The following DST variants were observed in gnomAD, a reference collection of about 807,000 sequenced individuals.
The protein encoded by DST is dystonin, also known as bullous pemphigoid antigen.
DST carries 253 observed loss-of-function variants against 875.2 expected under a neutral mutation model. The ratio of observed to expected loss-of-function variants is 0.29; its 90% confidence interval spans 0.26 to 0.32. The LOEUF (loss-of-function observed/expected upper bound fraction) is 0.32. Among genes scored for constraint, DST ranks in the 10% least tolerant of loss-of-function variants. The probability of loss-of-function intolerance (pLI) is 1.00; values close to 1 mark genes in which losing one functional copy is unlikely to be tolerated. For missense variants in DST, 8,287 were observed against 9,111.6 expected (o/e 0.91, Z 3.68); for synonymous variants, 3,124 against 3,197.1 (o/e 0.98, Z 0.77).
chr6:56,593,730 G>A lies in DST; in HGVS notation c.12659C>T (p.Ala4220Val). 1.2e-6 allele frequency: 2 copies of A among 1,613,734 alleles called. No individual in the cohort carries two copies. Among genetic ancestry groups the A allele is most frequent in the Non-Finnish European group, 1.7e-6 (2 of 1,179,728 alleles). Residue 4220 changes from alanine (A) to valine (V), a missense_variant, in exon 48 of 104, where the codon GCA becomes GTA. By Grantham distance (64) the Ala-to-Val change is moderately conservative (BLOSUM62 0). Around this residue, in one of 10 missense-constraint regions of DST, gnomAD observed 1,513 missense variants for 1,677.8 expected, o/e 0.90. Transcript: ENST00000680361. Reference sequence around the variant, plus strand: ...CTTGCGCTGCACTTCTCTGTGGGTTGCAGAAGTATCAACCTTGCCACCGTC... The same window carrying A: ...CTTGCGCTGCACTTCTCTGTGGGTTACAGAAGTATCAACCTTGCCACCGTC... ...KRDGGKVDTS[A>V]THREVQRKLD...
At position 56,692,612 on chromosome 6, in the gene DST, G is replaced by A. The variant is rs137899339; in HGVS notation, c.1047+7041C>T. ...ATAGAGCTTAAGCTGGCTGCCTTTCGGAAAGAAAAAACATCAGTTTTTTCC... is the reference window on the plus strand; with the variant it reads ...ATAGAGCTTAAGCTGGCTGCCTTTCAGAAAGAAAAAACATCAGTTTTTTCC... On this transcript the variant is annotated intron_variant, in intron 9 of 103. Coordinates refer to ENST00000680361, the MANE Select transcript of DST (RefSeq NM_001374736.1). 1.6e-4 allele frequency: 200 copies of A among 1,289,596 alleles called. 1 individual carries two copies. In the East Asian group the frequency reaches 8.0e-3, roughly 52 times the overall value. The allele number at this position is 1,289,596 out of a possible 1,614,324, so 79.9% of individuals were successfully genotyped here.
In DST at chr6:56,616,999, C is replaced by T. The variant is rs373811096; in HGVS notation, c.4930-2515G>A. On this transcript the variant is annotated intron_variant, in intron 36 of 103. Coordinates refer to ENST00000680361, the MANE Select transcript of DST (RefSeq NM_001374736.1). ...TTTTGTCTATTATGATTCTCTCGGC[C>T]GCTGAGGCAAATGAAATCTTTTCTT... 60 of 1,609,690 alleles carry T rather than the reference C, an allele frequency of 3.7e-5. No homozygotes were observed. The highest frequency in any genetic ancestry group is 4.7e-5 in the Non-Finnish European group (55 of 1,177,294).
intron 72 of DST, among the ~76,000 whole-genome samples, chr6:56,511,951 T>C (rs1381180363): frequency 6.6e-6 from 1 of 152,032 alleles, no homozygotes. Context: ...AGATAAGGAA[T>C]GTTAGGGTGA....
intron 55 of DST, among the ~76,000 whole-genome samples, chr6:56,566,349 T>G (rs1351958223): frequency 1.3e-5 from 2 of 152,226 alleles, no homozygotes; most frequent in Non-Finnish European, 2.9e-5. Flanking sequence ...GGGAATCTCC[T>G]GGTCTGTGAG....
chr6:56,742,572 T>C lies in DST; in HGVS notation c.626-7283A>G, dbSNP rs150316649. Among the ~76,000 whole-genome samples, 314 of 152,344 alleles carry C rather than the reference T, an allele frequency of 2.1e-3. 1 individual carries two copies. The highest frequency in any genetic ancestry group is 7.2e-3 in the African/African-American group (299 of 41,582). On this transcript the variant is annotated intron_variant, in intron 4 of 103. Transcript: ENST00000680361. ...TACTAAAAAGAAACCAAATTGTCTATTTCTTCTTTTCATTTTAAAGTTGTT... is the reference window on the plus strand; with the variant it reads ...TACTAAAAAGAAACCAAATTGTCTACTTCTTCTTTTCATTTTAAAGTTGTT...
intron 4 of DST, among the ~76,000 whole-genome samples, chr6:56,738,424 G>A (rs140262421): frequency 0.021 from 3,160 of 152,188 alleles, 38 homozygotes; most frequent in Middle Eastern, 0.078. Context: ...AGGTGCAAGC[G>A]ATTCTCCTGC....
Position 56,618,851 on chromosome 6 carries a change from A to G in DST, c.4930-4367T>C, listed in dbSNP as rs761583910. ...CTTTCTGTGGGTCATCTGCTCCTCT[A>G]TGGTCTTTAAGTGTAATTCGTCTTG... On this transcript the variant is annotated intron_variant, in intron 36 of 103. Coordinates refer to ENST00000680361, the MANE Select transcript of DST (RefSeq NM_001374736.1). The G allele has an allele frequency of 8.7e-6, 14 of 1,613,886 alleles. No homozygotes were observed. The highest frequency in any genetic ancestry group is 5.5e-5 in the South Asian group (5 of 91,068).
At chr6:56,660,149 G>A (rs752060843) in intron 10 of DST, among the ~76,000 whole-genome samples, 1 of 152,190 alleles carries the variant, frequency 6.6e-6, no homozygotes, top group Non-Finnish European at 1.5e-5. Context: ...ACCATTTGAG[G>A]CTGGTGATAA....
intron 24 of DST, 141 bp from the exon 25 acceptor site, chr6:56,635,094 C>A: frequency 2.9e-6 from 2 of 687,688 alleles, no homozygotes; most frequent in East Asian, 5.4e-5. Context: ...CCTCCTCCAC[C>A]CCATCTTGTA....
intron 2 of DST, among the ~76,000 whole-genome samples, chr6:56,911,191 G>C (rs915626106): frequency 6.6e-6 from 1 of 152,220 alleles, no homozygotes; most frequent in Non-Finnish European, 1.5e-5. Context: ...GGCTGCAAGG[G>C]AGGAAGGGAA....
intron 9 of DST, among the ~76,000 whole-genome samples, chr6:56,698,004 T>C (rs2099273264): frequency 6.6e-6 from 1 of 152,196 alleles, no homozygotes; most frequent in Admixed American, 6.5e-5. Context: ...AGTAATGCCC[T>C]CAGTCCTTTG....
chr6:56,799,405 GA>G (rs1438200535), intron 4 of DST, among the ~76,000 whole-genome samples: 1 of 150,228 alleles, frequency 6.7e-6, no homozygotes, highest in Non-Finnish European at 1.5e-5. Context: ...TTCAAGAAAA[GA>G]AATGAATTGA....
intron 98 of DST, chr6:56,466,870 G>C (rs1682852063): frequency 6.6e-6 from 1 of 152,136 alleles, no homozygotes; most frequent in African/African-American, 2.4e-5. Flanking sequence ...CATTATTAAT[G>C]ATACAGCTGC....
chr6:56,804,914 T>C (rs1238185504), intron 4 of DST, among the ~76,000 whole-genome samples: 2 of 152,132 alleles, frequency 1.3e-5, no homozygotes, highest in African/African-American at 4.8e-5. Flanking sequence ...TCCCTTTTAA[T>C]TCTAAATTTT....
At chr6:56,861,449 C>T (rs1162565141) in intron 3 of DST, among the ~76,000 whole-genome samples, 1 of 152,176 alleles carries the variant, frequency 6.6e-6, no homozygotes, top group Non-Finnish European at 1.5e-5. Flanking sequence ...CCAATCCAAC[C>T]ACAGCCTCCT....
chr6:56,754,965 TC>T, intron 4 of DST, among the ~76,000 whole-genome samples: 1 of 152,260 alleles, frequency 6.6e-6, no homozygotes, highest in Middle Eastern at 3.4e-3. Flanking sequence ...AATTGGATTA[TC>T]CCTTCTATTT....
At chr6:56,872,163 C>T (rs1312005084) in intron 3 of DST, among the ~76,000 whole-genome samples, 1 of 152,070 alleles carries the variant, frequency 6.6e-6, no homozygotes, top group Non-Finnish European at 1.5e-5. Context: ...GGCCTGAAAA[C>T]AAATGTCCCA....
chr6:56,597,720 A>G lies in DST; in HGVS notation c.12195+20T>C. 4 of 1,603,300 alleles carry G rather than the reference A, an allele frequency of 2.5e-6. No individual in the cohort carries two copies. The highest frequency in any genetic ancestry group is 3.4e-6 in the Non-Finnish European group (4 of 1,172,302). On this transcript the variant is annotated intron_variant, in intron 47 of 103. Coordinates refer to ENST00000680361, the MANE Select transcript of DST (RefSeq NM_001374736.1). ...CCTGGAAATAGAATTGAACGATATC[A>G]TATGTTTATAACAACACACCTTAAC...
intron 22 of DST, among the ~76,000 whole-genome samples, chr6:56,638,101 T>A (rs1235528778): frequency 6.8e-6 from 1 of 147,738 alleles, no homozygotes; most frequent in Non-Finnish European, 1.5e-5. Flanking sequence ...TCTTAAGAAA[T>A]TTTTTATTAA....
Sources: allele counts gnomAD v4.1 joint callset (sites outside exome capture counted in the v4.1 genomes callset), GRCh38; gene constraint gnomAD v4.1.1; regional missense constraint gnomAD v4.1.1; transcripts MANE v1.5; gene names NCBI Gene and HGNC (gene_info 2026-07-23, HGNC 2026-07-21).